Variants in CSTB observed in about 807,000 individuals in gnomAD.
CSTB encodes cystatin B.
CSTB carries 8 observed loss-of-function variants against 7.6 expected under a neutral mutation model. That is an observed-to-expected ratio of 1.05 (90% CI 0.62 to 1.89). CSTB has a LOEUF of 1.89. CSTB is among the 40% of genes most tolerant of loss of function. The probability of loss-of-function intolerance (pLI) is 0.00; values close to 1 mark genes in which losing one functional copy is unlikely to be tolerated. For missense variants in CSTB, 124 were observed against 126.4 expected, an observed-to-expected ratio of 0.98 and a Z score of 0.09; for synonymous variants, 56 against 55.3, an observed-to-expected ratio of 1.01 and a Z score of -0.06.
chr21:43,774,592 G>T, intron 2 of CSTB, 66 bp downstream of exon 2: 1 of 1,400,342 alleles, frequency 7.1e-7, no homozygotes, highest in Non-Finnish European at 1.0e-6. Flanking sequence ...ACACAGCCCG[G>T]GCCTGCACAG....
intron 1 of CSTB, chr21:43,775,899 C>T: frequency 2.9e-6 from 1 of 339,018 alleles, no homozygotes; most frequent in Non-Finnish European, 5.3e-6. Context: ...AGCGCCTCAT[C>T]CCTGGGGTTT....
rs554739469 is a variant in CSTB, at chr21:43,773,996, T to C, written c.*206A>G. 2 of 626,046 alleles carry C rather than the reference T, an allele frequency of 3.2e-6. No homozygotes were observed. The highest frequency in any genetic ancestry group is 2.9e-5 in the Admixed American group (1 of 35,034). 38.8% of individuals were successfully genotyped at this position (626,046 alleles called of 1,614,324 possible). On this transcript the variant is annotated 3_prime_UTR_variant, in exon 3 of 3. Coordinates refer to ENST00000291568, the MANE Select transcript of CSTB (RefSeq NM_000100.4). ...TATTTTGAAAATATTCTGAAAGTAA[T>C]TAAGATCACCTATTGGGAAGGAAAG...
intron 1 of CSTB, 45 bp downstream of exon 1, chr21:43,776,159 C>T (rs9984388): frequency 1.4e-5 from 21 of 1,503,554 alleles, no homozygotes; most frequent in Non-Finnish European, 1.9e-5. Context: ...CGCCCTGAGG[C>T]TAAGGCAGGA....
intron 1 of CSTB, 191 bp downstream of exon 1, chr21:43,776,013 C>G: frequency 2.0e-6 from 1 of 494,570 alleles, no homozygotes. Context: ...CCAGCGGCGC[C>G]CCAGGCGCGG....
rs770366711 is a variant in CSTB at position 43,776,302 on chromosome 21, A to G, written c.-33T>C. The G allele has an allele frequency of 6.6e-7, 1 of 1,512,702 alleles. No individual in the cohort carries two copies. Among genetic ancestry groups the G allele is most frequent in the Middle Eastern group, 1.7e-4 (1 of 5,810 alleles). The allele number at this position is 1,512,702 out of a possible 1,614,324, so 93.7% of individuals were successfully genotyped here. On this transcript the variant is annotated 5_prime_UTR_variant, in exon 1 of 3. Coordinates refer to ENST00000291568, the MANE Select transcript of CSTB (RefSeq NM_000100.4). ...GCGACGGAGGGAATCTGGCGAGGGG[A>G]CTCGGCGAGGGGACGCGGCGGCTCC... is the stretch of plus-strand genomic sequence containing the variant.
At position 43,774,146 on chromosome 21, in the gene CSTB, A is replaced by C. The variant is rs1270718055; in HGVS notation, c.*56T>G. 6 of 1,612,498 alleles carry C rather than the reference A, an allele frequency of 3.7e-6. No homozygotes were observed. The highest frequency in any genetic ancestry group is 2.7e-5 in the African/African-American group (2 of 74,898). ...TAGGATCACAAGTGCACGCTCTGGTAGACGGAGGATGACTTTGTCAGTCTT... is the reference window on the plus strand; with the variant it reads ...TAGGATCACAAGTGCACGCTCTGGTCGACGGAGGATGACTTTGTCAGTCTT... On this transcript the variant is annotated 3_prime_UTR_variant, in exon 3 of 3. Transcript: ENST00000291568.
chr21:43,774,007 T>A lies in CSTB; in HGVS notation c.*195A>T. ...TATTCTGAAAGTAATTAAGATCACC[T>A]ATTGGGAAGGAAAGAAATCAACACA... On this transcript the variant is annotated 3_prime_UTR_variant, in exon 3 of 3. Coordinates refer to ENST00000291568, the MANE Select transcript of CSTB (RefSeq NM_000100.4). 1.5e-6 allele frequency: 1 copy of A among 652,996 alleles called. No individual in the cohort carries two copies. The highest frequency in any genetic ancestry group is 2.8e-5 in the East Asian group (1 of 36,268). The allele number at this position is 652,996 out of a possible 1,614,324, so 40.5% of individuals were successfully genotyped here.
chr21:43,775,220 CAA>C, intron 1 of CSTB: 1 of 228,178 alleles, frequency 4.4e-6, no homozygotes, highest in South Asian at 4.9e-5. Flanking sequence ...GACTGAGTCT[CAA>C]AAACAAAAAA....
Position 43,774,048 on chromosome 21 carries a change from A to G in CSTB, c.*154T>C. ...AATCAACACAATGAAATTTAGGAAGAGAAATGCAAAAGCAGCTGCAGAATC... is the reference window on the plus strand; with the variant it reads ...AATCAACACAATGAAATTTAGGAAGGGAAATGCAAAAGCAGCTGCAGAATC... On this transcript the variant is annotated 3_prime_UTR_variant, in exon 3 of 3. Coordinates refer to ENST00000291568, the MANE Select transcript of CSTB (RefSeq NM_000100.4). 1.2e-6 allele frequency: 1 copy of G among 835,178 alleles called. No homozygotes were observed. Among genetic ancestry groups the G allele is most frequent in the Non-Finnish European group, 2.0e-6 (1 of 503,156 alleles). 51.7% of individuals were successfully genotyped at this position (835,178 alleles called of 1,614,324 possible).
rs771454244 is a variant in CSTB, at chr21:43,774,194, A to G, written c.*8T>C. 1 of 1,614,208 alleles carries G rather than the reference A, an allele frequency of 6.2e-7. No homozygotes were observed. Among genetic ancestry groups the G allele is most frequent in the Admixed American group, 1.7e-5 (1 of 60,020 alleles). On this transcript the variant is annotated 3_prime_UTR_variant, in exon 3 of 3. Coordinates refer to ENST00000291568, the MANE Select transcript of CSTB (RefSeq NM_000100.4). ...CTTCTGGCTGAAGGGCCTTGTCCAA[A>G]GTCAGGATCAGAAATAGGTCAGCTC...
chr21:43,774,666 A>T lies in CSTB; in HGVS notation c.160T>A (p.Phe54Ile). ...TGAGGCCCACACTCTACCTTGATGA[A>T]GTAGTTTGTCCCCGCGACCACCTGG... ...KSQVVAGTNY[F>I]IKVHVGDEDF... Residue 54 changes from phenylalanine to isoleucine, a missense_variant, in exon 2 of 3, where the codon TTC (phenylalanine) becomes ATC (isoleucine). Phe to Ile is a conservative substitution (Grantham distance 21). Coordinates refer to ENST00000291568, the MANE Select transcript of CSTB (RefSeq NM_000100.4). 1 of 1,613,424 alleles carries T rather than the reference A, an allele frequency of 6.2e-7. No homozygotes were observed. Among genetic ancestry groups the T allele is most frequent in the Non-Finnish European group, 8.5e-7 (1 of 1,179,396 alleles).
In CSTB at chr21:43,774,678, C is replaced by T; in HGVS notation, c.148G>A (p.Gly50Arg). 1 of 1,614,094 alleles carries T rather than the reference C, an allele frequency of 6.2e-7. No homozygotes were observed. Among genetic ancestry groups the T allele is most frequent in the Non-Finnish European group, 8.5e-7 (1 of 1,179,968 alleles). The change falls in exon 2 of 3, where the codon GGG (glycine) becomes AGG (arginine). Residue 50 changes from glycine to arginine, a missense_variant. By Grantham distance (125) the Gly-to-Arg change is moderately radical. Transcript: ENST00000291568. ...AVSFKSQVVA[G>R]TNYFIKVHVG... ...TCTACCTTGATGAAGTAGTTTGTCC[C>T]CGCGACCACCTGGCTCTTGAATGAC...
intron 2 of CSTB, 76 bp downstream of exon 2, chr21:43,774,582 A>G (rs2084000919): frequency 7.4e-7 from 1 of 1,359,364 alleles, no homozygotes. Flanking sequence ...ACCTAAGACC[A>G]CACAGCCCGG....
chr21:43,774,153 G>C lies in CSTB; in HGVS notation c.*49C>G. The C allele has an allele frequency of 2.5e-6, 4 of 1,613,446 alleles. No individual in the cohort carries two copies. In the South Asian group the frequency reaches 4.4e-5, roughly 18 times the overall value. On this transcript the variant is annotated 3_prime_UTR_variant, in exon 3 of 3. Transcript: ENST00000291568. The stretch of plus-strand genomic sequence containing the variant: ...ACAAGTGCACGCTCTGGTAGACGGA[G>C]GATGACTTTGTCAGTCTTCTGGCTG...
In CSTB at chr21:43,774,320, C is replaced by A. The variant is rs776753992; in HGVS notation, c.179G>T (p.Gly60Val). 1 of 1,614,178 alleles carries A rather than the reference C, an allele frequency of 6.2e-7. No homozygotes were observed. The change falls in exon 3 of 3, where the codon GGC (glycine) becomes GTC (valine). Residue 60 changes from glycine (G) to valine (V), a missense_variant. Coordinates refer to ENST00000291568, the MANE Select transcript of CSTB (RefSeq NM_000100.4). ...GTNYFIKVHV[G>V]DEDFVHLRVF... ...TCGCAGGTGTACGAAGTCCTCGTCG[C>A]CGACGTGCACCTGGGAAGAGAGCGG...
rs2123385440 is a variant in CSTB at position 43,774,253 on chromosome 21, T to C, written c.246A>G (p.Leu82=). 6.2e-7 allele frequency: 1 copy of C among 1,614,222 alleles called. No individual in the cohort carries two copies. Among genetic ancestry groups the C allele is most frequent in the South Asian group, 1.1e-5 (1 of 91,092 alleles). ...SLPHENKPLT[L]SNYQTNKAKH... Reference sequence around the variant, plus strand: ...TGGCTTTGTTGGTCTGGTAGTTAGATAAGGTCAAGGGCTTGTTTTCATGAG... The same window carrying C: ...TGGCTTTGTTGGTCTGGTAGTTAGACAAGGTCAAGGGCTTGTTTTCATGAG... Residue 82 remains leucine (L), a synonymous_variant, in exon 3 of 3, where the codon TTA becomes TTG. Transcript: ENST00000291568.
intron 2 of CSTB, 121 bp from the exon 3 acceptor site, chr21:43,774,451 C>T (rs2084000368): frequency 1.4e-6 from 2 of 1,464,242 alleles, no homozygotes; most frequent in African/African-American, 2.8e-5. Context: ...GGGGATGCCT[C>T]ACATCCCACA....
At chr21:43,775,069 A>C (rs1601856257) in intron 1 of CSTB, 1 of 403,630 alleles carries the variant, frequency 2.5e-6, no homozygotes, top group Non-Finnish European at 4.7e-6. Flanking sequence ...CTAAAAATAC[A>C]AAAATTAGCT....
rs1336036139 is a variant in CSTB at position 43,776,262 on chromosome 21, C to T, written c.8G>A (p.Cys3Tyr). 2.6e-6 allele frequency: 4 copies of T among 1,528,468 alleles called. No homozygotes were observed. Among genetic ancestry groups the T allele is most frequent in the Non-Finnish European group, 3.5e-6 (4 of 1,140,192 alleles). 94.7% of individuals were successfully genotyped at this position (1,528,468 alleles called of 1,614,324 possible). ...CGGCTGCGTGGCGGAGGGCGCCCCG[C>T]ACATCATCTTGGCGGCGACGGAGGG... MM[C>Y]GAPSATQPAT... The change falls in exon 1 of 3, where the codon TGC becomes TAC. Residue 3 changes from cysteine (C) to tyrosine (Y), a missense_variant. Physicochemically the swap from Cys to Tyr is radical, Grantham distance 194 (BLOSUM62 -2). Transcript: ENST00000291568.
Sources: gnomAD v4.1 joint callset for allele counts on GRCh38, gnomAD v4.1.1 for gene constraint, MANE v1.5 for transcripts, NCBI Gene and HGNC (gene_info 2026-07-23, HGNC 2026-07-21) for gene names.